The following CDYL2 variants were observed in gnomAD, a reference collection of about 807,000 sequenced individuals.
CDYL2 encodes the protein chromodomain Y like 2.
A neutral mutation model predicts 49.4 loss-of-function variants in CDYL2; 23 were observed. The ratio of observed to expected loss-of-function variants is 0.47; its 90% CI spans 0.34 to 0.66. The LOEUF (loss-of-function observed/expected upper bound fraction) is 0.66. Ranked by LOEUF, CDYL2 falls within the 30% of genes least tolerant of loss-of-function variation. The pLI is 0.01. For synonymous variants in CDYL2, 360 were observed against 268.8 expected, an observed-to-expected ratio of 1.34 and a Z score of -3.32; for missense variants, 678 against 656.4, an observed-to-expected ratio of 1.03 and a Z score of -0.36.
chr16:80,639,613 T>C (rs752352935), intron 2 of CDYL2: 1 of 449,268 alleles, frequency 2.2e-6, no homozygotes, highest in Non-Finnish European at 4.4e-6. Flanking sequence ...AATTAACAAC[T>C]GTCTACACAC....
intron 1 of CDYL2, among the ~76,000 whole-genome samples, chr16:80,747,502 T>C (rs1296543886): frequency 2.6e-5 from 4 of 152,220 alleles, no homozygotes; most frequent in African/African-American, 9.7e-5. Flanking sequence ...CCTGGGCCTA[T>C]TACGTGCTTA....
intron 3 of CDYL2, among the ~76,000 whole-genome samples, chr16:80,630,339 A>C (rs957672562): frequency 6.6e-6 from 1 of 152,212 alleles, no homozygotes; most frequent in African/African-American, 2.4e-5. Context: ...TTCCATGATG[A>C]GTGGGCAACA....
intron 1 of CDYL2, among the ~76,000 whole-genome samples, chr16:80,731,005 A>G (rs952108723): frequency 1.3e-5 from 2 of 152,190 alleles, no homozygotes; most frequent in Non-Finnish European, 2.9e-5. Flanking sequence ...CATCTGGAAA[A>G]TGATAGATAT....
chr16:80,657,875 C>A (rs1454680019), intron 2 of CDYL2, among the ~76,000 whole-genome samples: 1 of 152,044 alleles, frequency 6.6e-6, no homozygotes, highest in Non-Finnish European at 1.5e-5. Flanking sequence ...TTATCTATAA[C>A]TGCAAAATAC....
At chr16:80,703,717 A>C (rs911281551) in intron 1 of CDYL2, among the ~76,000 whole-genome samples, 4 of 152,010 alleles carry the variant, frequency 2.6e-5, no homozygotes, top group Non-Finnish European at 4.4e-5. Flanking sequence ...GGGCTTCTCC[A>C]CGGCTATTCC....
chr16:80,608,034 T>C (rs9933302), intron 6 of CDYL2, 58 bp downstream of exon 6: 380,555 of 1,504,286 alleles, frequency 0.25, 59,232 homozygotes, highest in African/African-American at 0.75. Context: ...CCTTGCTGTC[T>C]TCATGTGTAA....
rs1906041642 is a variant in CDYL2 at position 80,600,657 on chromosome 16, A to G, written c.*3731T>C. 6.6e-6 allele frequency: 1 copy of G among 152,208 alleles called. No individual in the cohort carries two copies. The highest frequency in any genetic ancestry group is 2.4e-5 in the African/African-American group (1 of 41,454). The allele number at this position is 152,208 out of a possible 1,614,324, so 9.4% of individuals were successfully genotyped here. A position where few individuals can be genotyped will look rare whatever the true frequency, so the allele number is the denominator to read the frequency against. On this transcript the variant is annotated 3_prime_UTR_variant, in exon 7 of 7. Transcript: ENST00000570137. Reference sequence around the variant, plus strand: ...GTGTCTGAATACAGAAAAACAGAAGATAAGCAATTCTGCATTTTAAATATT... The same window carrying G: ...GTGTCTGAATACAGAAAAACAGAAGGTAAGCAATTCTGCATTTTAAATATT...
At chr16:80,677,869 G>A (rs1909818674) in intron 2 of CDYL2, among the ~76,000 whole-genome samples, 1 of 151,744 alleles carries the variant, frequency 6.6e-6, no homozygotes, top group Non-Finnish European at 1.5e-5. Context: ...TATACTACAA[G>A]GCTACAGTAA....
chr16:80,768,422 T>C (rs752174456), intron 1 of CDYL2, among the ~76,000 whole-genome samples: 10 of 152,194 alleles, frequency 6.6e-5, no homozygotes, highest in Non-Finnish European at 1.0e-4. Context: ...TACCATAGAC[T>C]GTGTGATATG....
At chr16:80,633,369 A>G (rs1313204890) in intron 2 of CDYL2, 133 bp from the exon 3 acceptor site, 2 of 822,240 alleles carry the variant, frequency 2.4e-6, no homozygotes, top group Non-Finnish European at 3.8e-6. Context: ...CCCCTGTGCC[A>G]CCCTCTGTTC....
chr16:80,623,179 G>T (rs1907158073), intron 3 of CDYL2, among the ~76,000 whole-genome samples: 1 of 151,978 alleles, frequency 6.6e-6, no homozygotes, highest in African/African-American at 2.4e-5. Flanking sequence ...GAAATGCAGA[G>T]TCTAAAGCCC....
chr16:80,769,199 G>C (rs1906825458), intron 1 of CDYL2, among the ~76,000 whole-genome samples: 1 of 152,168 alleles, frequency 6.6e-6, no homozygotes, highest in African/African-American at 2.4e-5. Flanking sequence ...CAGTGCTTAG[G>C]AGCACCTGCA....
chr16:80,669,949 G>C (rs559491172), intron 2 of CDYL2, among the ~76,000 whole-genome samples: 11 of 152,280 alleles, frequency 7.2e-5, no homozygotes, highest in African/African-American at 2.4e-4. Flanking sequence ...GGTCCTGTGA[G>C]GCCACCTAAT....
At chr16:80,658,278 T>C (rs1398626255) in intron 2 of CDYL2, among the ~76,000 whole-genome samples, 1 of 151,506 alleles carries the variant, frequency 6.6e-6, no homozygotes, top group South Asian at 2.1e-4. Flanking sequence ...AGATATAAAA[T>C]AAAAGCAATA....
intron 2 of CDYL2, among the ~76,000 whole-genome samples, chr16:80,650,721 G>C (rs1908546385): frequency 6.6e-6 from 1 of 152,082 alleles, no homozygotes; most frequent in African/African-American, 2.4e-5. Context: ...AGCAACCTAA[G>C]CATCCAACAA....
chr16:80,685,146 G>A lies in CDYL2; in HGVS notation c.25-17C>T. On this transcript the variant is annotated splice_polypyrimidine_tract_variant and intron_variant, in intron 1 of 6. Coordinates refer to ENST00000570137, the MANE Select transcript of CDYL2 (RefSeq NM_152342.4). Reference sequence around the variant, plus strand: ...CCTTTCAACCTGCGATACAAGATGAGAGGGTCAGAAAACAGAGAGAGAGGG... The same window carrying A: ...CCTTTCAACCTGCGATACAAGATGAAAGGGTCAGAAAACAGAGAGAGAGGG... 6.3e-7 allele frequency: 1 copy of A among 1,582,956 alleles called. No homozygotes were observed. Among genetic ancestry groups the A allele is most frequent in the South Asian group, 1.1e-5 (1 of 87,350 alleles).
At position 80,604,011 on chromosome 16, in the gene CDYL2, C is replaced by G. The variant is rs1030184935; in HGVS notation, c.*377G>C. On this transcript the variant is annotated 3_prime_UTR_variant, in exon 7 of 7. Coordinates refer to ENST00000570137, the MANE Select transcript of CDYL2 (RefSeq NM_152342.4). ...AGAGAGAGCCATGATGGCCAAGTCTCCAAGTCAGAGGCACTGTGTAGACAC... is the reference window on the plus strand; with the variant it reads ...AGAGAGAGCCATGATGGCCAAGTCTGCAAGTCAGAGGCACTGTGTAGACAC... 2 of 197,796 alleles carry G rather than the reference C, an allele frequency of 1.0e-5. No homozygotes were observed. Among genetic ancestry groups the G allele is most frequent in the Non-Finnish European group, 1.0e-5 (1 of 95,410 alleles). 12.3% of individuals were successfully genotyped at this position (197,796 alleles called of 1,614,324 possible). A position where few individuals can be genotyped will look rare whatever the true frequency, so the allele number is the denominator to read the frequency against.
At chr16:80,742,792 G>A (rs1439718821) in intron 1 of CDYL2, among the ~76,000 whole-genome samples, 1 of 132,578 alleles carries the variant, frequency 7.5e-6, no homozygotes, top group Non-Finnish European at 1.7e-5. Flanking sequence ...GCAGATGGAT[G>A]GACTGACAAA....
intron 3 of CDYL2, among the ~76,000 whole-genome samples, chr16:80,621,906 T>G (rs1436642206): frequency 6.6e-6 from 1 of 152,146 alleles, no homozygotes; most frequent in East Asian, 1.9e-4. Flanking sequence ...GACCAACAAG[T>G]GCTACCTTAG....
Sources: allele counts gnomAD v4.1 joint callset (sites outside exome capture counted in the v4.1 genomes callset), GRCh38; gene constraint gnomAD v4.1.1; transcripts MANE v1.5; gene names NCBI Gene and HGNC (gene_info 2026-07-23, HGNC 2026-07-21).